Variants in RIT2 observed in about 807,000 individuals in gnomAD.
RIT2 encodes the protein Ras like without CAAX 2, also known as GTP-binding protein Rit2.
In RIT2, 24 loss-of-function variants were observed where a neutral mutation model predicts 23.7. The observed-to-expected ratio is 1.01, with a 90% CI of 0.73 to 1.43. RIT2 has a LOEUF of 1.43. RIT2 is among the 40% of genes most tolerant of loss of function. RIT2 has a pLI of 0.00. For synonymous variants in RIT2, 107 were observed against 91.1 expected (o/e 1.17, Z -0.99); for missense variants, 236 against 266.9 (o/e 0.88, Z 0.81).
chr18:42,859,741 T>C (rs1249356193), intron 4 of RIT2, among the ~76,000 whole-genome samples: 1 of 152,178 alleles, frequency 6.6e-6, no homozygotes, highest in Non-Finnish European at 1.5e-5. Context: ...TGACTTTGTA[T>C]ATGGTATGAG....
chr18:42,789,490 G>A (rs1598654443), intron 4 of RIT2, among the ~76,000 whole-genome samples: 1 of 152,262 alleles, frequency 6.6e-6, no homozygotes, highest in East Asian at 1.9e-4. Flanking sequence ...ATTTGTTTGT[G>A]TTATCTACTA....
rs759077601 is a variant in RIT2, at chr18:42,743,568, C to A, written c.579G>T (p.Lys193Asn). Residue 193 changes from lysine to asparagine, a missense_variant, in exon 5 of 5, where the codon AAG becomes AAT. Transcript: ENST00000326695. ...KKESMPSLME[K>N]KLKRKDSLWK... is the part of the protein sequence containing the mutation. ...ACAGGCTGTCTTTTCTCTTCAGTTTCTTTTCCATCAAGGATGGCATGGACT... is the reference window on the plus strand; with the variant it reads ...ACAGGCTGTCTTTTCTCTTCAGTTTATTTTCCATCAAGGATGGCATGGACT... 8.1e-6 allele frequency: 13 copies of A among 1,613,902 alleles called. No individual in the cohort carries two copies. Among genetic ancestry groups the A allele is most frequent in the South Asian group, 1.1e-5 (1 of 91,084 alleles).
At chr18:42,841,961 C>A (rs1001017700) in intron 4 of RIT2, among the ~76,000 whole-genome samples, 10 of 152,180 alleles carry the variant, frequency 6.6e-5, no homozygotes, top group African/African-American at 2.4e-4. Context: ...ATAATGGATT[C>A]TTTTAACCAC....
intron 4 of RIT2, among the ~76,000 whole-genome samples, chr18:42,837,220 T>G (rs1906638657): frequency 7.8e-6 from 1 of 127,438 alleles, no homozygotes; most frequent in African/African-American, 2.9e-5. Flanking sequence ...CAGGCTGGAG[T>G]GCAGTGGCGT....
intron 4 of RIT2, among the ~76,000 whole-genome samples, chr18:42,903,248 T>G (rs476309): frequency 0.025 from 3,739 of 152,102 alleles, 124 homozygotes; most frequent in African/African-American, 0.078. Flanking sequence ...TGTAATACAT[T>G]TATTGAAAGA....
Position 42,879,363 on chromosome 18 carries a change from T to C in RIT2, c.426+44209A>G, listed in dbSNP as rs186579152. On this transcript the variant is annotated intron_variant, in intron 4 of 4. Coordinates refer to ENST00000326695, the MANE Select transcript of RIT2 (RefSeq NM_002930.4). ...ATATTTGATATTTTGAATTCTGAAATATCAGTATTATTTACTAAGTGAGCT... is the reference window on the plus strand; with the variant it reads ...ATATTTGATATTTTGAATTCTGAAACATCAGTATTATTTACTAAGTGAGCT... Among the ~76,000 whole-genome samples, 36 of 152,278 alleles carry C rather than the reference T, an allele frequency of 2.4e-4. No individual in the cohort carries two copies. In the East Asian group the frequency reaches 5.6e-3, roughly 24 times the overall value.
At chr18:42,800,217 T>G (rs752302725) in intron 4 of RIT2, among the ~76,000 whole-genome samples, 4 of 152,234 alleles carry the variant, frequency 2.6e-5, no homozygotes, top group Non-Finnish European at 5.9e-5. Context: ...TTATGTTGCT[T>G]CTTTGGAACT....
At chr18:42,856,628 A>G (rs922313517) in intron 4 of RIT2, among the ~76,000 whole-genome samples, 2 of 152,148 alleles carry the variant, frequency 1.3e-5, no homozygotes, top group Non-Finnish European at 2.9e-5. Flanking sequence ...CAGTCACAGT[A>G]CTGTTCTAAC....
intron 1 of RIT2, among the ~76,000 whole-genome samples, chr18:43,035,744 C>T (rs1911958758): frequency 6.6e-6 from 1 of 152,124 alleles, no homozygotes; most frequent in African/African-American, 2.4e-5. Context: ...CTGGATATTT[C>T]TTAGTAATTT....
chr18:42,781,800 C>A (rs567024261), intron 4 of RIT2, among the ~76,000 whole-genome samples: 1 of 152,146 alleles, frequency 6.6e-6, no homozygotes, highest in African/African-American at 2.4e-5. Flanking sequence ...GAGAATAATG[C>A]GAACTTAAAT....
At chr18:42,874,816 T>A (rs576829629) in intron 4 of RIT2, among the ~76,000 whole-genome samples, 1 of 152,202 alleles carries the variant, frequency 6.6e-6, no homozygotes, top group South Asian at 2.1e-4. Context: ...TGCACAGTTG[T>A]CCATAGTTGG....
In RIT2 at chr18:42,788,173, C is replaced by T. The variant is rs545118482; in HGVS notation, c.427-44453G>A. 1.7e-4 allele frequency among the ~76,000 whole-genome samples: 26 copies of T among 152,110 alleles called. No homozygotes were observed. In the South Asian group the frequency reaches 5.0e-3, roughly 29 times the overall value. ...TCATTGTTTTACATTTTTCCAAATG[C>T]GTCTGGTTTAATACAAAACAGCTAG... is the stretch of plus-strand genomic sequence containing the variant. On this transcript the variant is annotated intron_variant, in intron 4 of 4. Transcript: ENST00000326695.
intron 4 of RIT2, among the ~76,000 whole-genome samples, chr18:42,868,937 C>T (rs540945482): frequency 6.6e-6 from 1 of 152,084 alleles, no homozygotes; most frequent in Admixed American, 6.5e-5. Flanking sequence ...GCTTGAATAC[C>T]TTGAATTAAG....
intron 4 of RIT2, among the ~76,000 whole-genome samples, chr18:42,920,368 T>A (rs1489613994): frequency 6.6e-6 from 1 of 152,204 alleles, no homozygotes; most frequent in Admixed American, 6.5e-5. Context: ...TATCAGAGAT[T>A]CAGTTGACTC....
intron 4 of RIT2, among the ~76,000 whole-genome samples, chr18:42,809,998 T>C (rs1286876372): frequency 2.0e-5 from 3 of 146,374 alleles, no homozygotes; most frequent in East Asian, 3.9e-4. Context: ...ATATATAACA[T>C]ATATGTATAA....
chr18:43,027,403 T>C (rs1347738663), intron 2 of RIT2, among the ~76,000 whole-genome samples: 1 of 152,068 alleles, frequency 6.6e-6, no homozygotes, highest in African/African-American at 2.4e-5. Flanking sequence ...GAAAATATTG[T>C]TTTGAGCAAG....
intron 1 of RIT2, among the ~76,000 whole-genome samples, chr18:43,108,308 G>A (rs1476945273): frequency 1.3e-5 from 2 of 151,954 alleles, no homozygotes; most frequent in African/African-American, 4.8e-5. Flanking sequence ...AGGCACATTA[G>A]GTTCATCATT....
At chr18:42,775,698 A>AAAATAAATAAAT (rs35398594) in intron 4 of RIT2, among the ~76,000 whole-genome samples, 8 of 148,010 alleles carry the variant, frequency 5.4e-5, no homozygotes, top group African/African-American at 2.0e-4. Context: ...CTCCATCTCA[A>AAAATAAATAAAT]AAATAAATAA....
At chr18:43,098,588 C>T (rs144754724) in intron 1 of RIT2, among the ~76,000 whole-genome samples, 27 of 151,900 alleles carry the variant, frequency 1.8e-4, no homozygotes, top group South Asian at 1.5e-3. Context: ...TTTTTTGTAA[C>T]GACATAATAG....
Sources: allele counts gnomAD v4.1 joint callset (sites outside exome capture counted in the v4.1 genomes callset), GRCh38; gene constraint gnomAD v4.1.1; transcripts MANE v1.5; gene names NCBI Gene and HGNC (gene_info 2026-07-23, HGNC 2026-07-21).